SHISA9: variants seen among roughly 807,000 people sequenced by gnomAD.
SHISA9 encodes the protein protein shisa-9.
In SHISA9, 13 loss-of-function variants were observed where a neutral mutation model predicts 38.0. The observed-to-expected ratio is 0.34, with a 90% CI of 0.22 to 0.54. The LOEUF (loss-of-function observed/expected upper bound fraction) is 0.54. Among genes scored for constraint, SHISA9 ranks in the 20% least tolerant of loss-of-function variants. SHISA9 has a pLI of 0.91. For synonymous variants in SHISA9, 275 were observed against 242.0 expected (o/e 1.14, Z -1.27); for missense variants, 538 against 575.8 (o/e 0.93, Z 0.67).
the SHISA9 span, among the ~76,000 whole-genome samples, chr16:13,465,196 C>G: frequency 1.3e-5 from 2 of 152,186 alleles, no homozygotes; most frequent in East Asian, 3.9e-4. Context: ...TCAGCCTCTA[C>G]TTGTTAGATG....
the SHISA9 span, among the ~76,000 whole-genome samples, chr16:13,451,176 G>A: frequency 6.6e-6 from 1 of 152,176 alleles, no homozygotes; most frequent in African/African-American, 2.4e-5. Context: ...CGTCTGAGGT[G>A]CGTGTTCCAT....
At chr16:13,042,911 ATATT>A (rs1473726145) in intron 2 of SHISA9, among the ~76,000 whole-genome samples, 1 of 152,216 alleles carries the variant, frequency 6.6e-6, no homozygotes, top group Non-Finnish European at 1.5e-5. Flanking sequence ...GGCTCAAAGA[ATATT>A]TATAGAATAA....
chr16:13,289,458 G>A, the SHISA9 span, among the ~76,000 whole-genome samples: 1 of 151,880 alleles, frequency 6.6e-6, no homozygotes, highest in East Asian at 1.9e-4. Flanking sequence ...AAGTAACCAG[G>A]GAATTACTTT....
chr16:13,221,768 C>A (rs2051228215), intron 4 of SHISA9, among the ~76,000 whole-genome samples: 1 of 152,104 alleles, frequency 6.6e-6, no homozygotes, highest in South Asian at 2.1e-4. Flanking sequence ...ACTCTATAAC[C>A]ATTAGTAGAC....
the SHISA9 span, among the ~76,000 whole-genome samples, chr16:13,336,518 G>A: frequency 1.3e-5 from 2 of 152,282 alleles, no homozygotes; most frequent in East Asian, 1.9e-4. Context: ...TAGAAAGCAC[G>A]TAGCAACCTA....
chr16:13,457,864 G>T, the SHISA9 span, among the ~76,000 whole-genome samples: 1 of 151,898 alleles, frequency 6.6e-6, no homozygotes, highest in African/African-American at 2.4e-5. Context: ...ATATGGCTAG[G>T]ACCTCTCTAG....
intron 2 of SHISA9, among the ~76,000 whole-genome samples, chr16:12,963,106 T>C (rs571988033): frequency 6.6e-6 from 1 of 152,338 alleles, no homozygotes; most frequent in African/African-American, 2.4e-5. Flanking sequence ...CAGTTGTTTC[T>C]GTTGCTTGCA....
At chr16:13,218,851 G>C (rs187289499) in intron 4 of SHISA9, among the ~76,000 whole-genome samples, 179 of 152,312 alleles carry the variant, frequency 1.2e-3, no homozygotes, top group African/African-American at 4.2e-3. Flanking sequence ...CCATTGGAGT[G>C]CATGCATCCT....
intron 2 of SHISA9, among the ~76,000 whole-genome samples, chr16:12,997,157 T>C (rs940610134): frequency 4.6e-5 from 7 of 152,006 alleles, no homozygotes; most frequent in Admixed American, 4.6e-4. Flanking sequence ...CCCTCAGAGG[T>C]AACCACTGTT....
intron 2 of SHISA9, among the ~76,000 whole-genome samples, chr16:12,927,445 C>A (rs1285043027): frequency 6.6e-6 from 1 of 152,176 alleles, no homozygotes; most frequent in Non-Finnish European, 1.5e-5. Flanking sequence ...GCCGCCTAGG[C>A]TGGAGTGCAG....
chr16:13,335,148 C>G, the SHISA9 span, among the ~76,000 whole-genome samples: 2 of 152,238 alleles, frequency 1.3e-5, no homozygotes, highest in Admixed American at 6.5e-5. Flanking sequence ...ATGAGGTCAT[C>G]TAACCCAGAG....
At chr16:13,419,375 C>A in the SHISA9 span, among the ~76,000 whole-genome samples, 24 of 152,286 alleles carry the variant, frequency 1.6e-4, no homozygotes, top group African/African-American at 4.3e-4. Context: ...GTTAGGCAGA[C>A]AATGAAATCT....
chr16:13,001,607 A>T (rs2072526727), intron 2 of SHISA9, among the ~76,000 whole-genome samples: 1 of 152,238 alleles, frequency 6.6e-6, no homozygotes. Context: ...TTCTGGGCTG[A>T]TGCAAATGTT....
At chr16:13,376,764 G>A in the SHISA9 span, among the ~76,000 whole-genome samples, 1 of 152,100 alleles carries the variant, frequency 6.6e-6, no homozygotes, top group Non-Finnish European at 1.5e-5. Flanking sequence ...CATGAACTCA[G>A]CTCACTGCAG....
At chr16:13,434,584 A>AT in the SHISA9 span, among the ~76,000 whole-genome samples, 5 of 151,522 alleles carry the variant, frequency 3.3e-5, no homozygotes, top group Non-Finnish European at 7.4e-5. Context: ...AGCCCAGCTA[A>AT]TTTTTTTGTA....
intron 2 of SHISA9, among the ~76,000 whole-genome samples, chr16:12,976,609 C>T (rs1047365797): frequency 6.6e-6 from 1 of 152,172 alleles, no homozygotes; most frequent in South Asian, 2.1e-4. Flanking sequence ...GCTGAAGGTA[C>T]TTTCCTCATT....
chr16:13,431,625 T>G, the SHISA9 span, among the ~76,000 whole-genome samples: 2 of 152,198 alleles, frequency 1.3e-5, no homozygotes, highest in African/African-American at 2.4e-5. Flanking sequence ...ACACGATTTT[T>G]CTCATTGATG....
At chr16:13,264,995 C>T in the SHISA9 span, among the ~76,000 whole-genome samples, 7 of 145,022 alleles carry the variant, frequency 4.8e-5, no homozygotes, top group East Asian at 8.4e-4. Flanking sequence ...TCCTCCTCTT[C>T]CCTTCCCTCC....
the SHISA9 span, among the ~76,000 whole-genome samples, chr16:13,383,117 G>T: frequency 6.6e-6 from 1 of 152,118 alleles, no homozygotes; most frequent in Non-Finnish European, 1.5e-5. Context: ...AAACAAATAG[G>T]TCAAGCGATA....
Sources: allele counts gnomAD v4.1 joint callset (sites outside exome capture counted in the v4.1 genomes callset), GRCh38; gene constraint gnomAD v4.1.1; transcripts MANE v1.5; gene names NCBI Gene and HGNC (gene_info 2026-07-23, HGNC 2026-07-21).